SGPP1: variants seen among roughly 807,000 people sequenced by gnomAD.
The protein encoded by SGPP1 is hSPP1.
A neutral mutation model predicts 33.0 loss-of-function variants in SGPP1; 21 were observed. That is an observed-to-expected ratio of 0.64 (90% CI 0.45 to 0.92). The LOEUF (loss-of-function observed/expected upper bound fraction) is 0.92, where lower values mean the gene tolerates loss of function less well. SGPP1 is among the 40% of genes least tolerant of loss of function. The pLI, the probability that SGPP1 is intolerant of heterozygous loss-of-function variation, is 0.00. For synonymous variants in SGPP1, 239 were observed against 241.2 expected (o/e 0.99, Z 0.08); for missense variants, 543 against 589.4 (o/e 0.92, Z 0.81).
At chr14:63,705,282 TCAAAAA>T (rs1479423642) in intron 1 of SGPP1, among the ~76,000 whole-genome samples, 3 of 146,024 alleles carry the variant, frequency 2.1e-5, no homozygotes, top group Admixed American at 7.0e-5. Flanking sequence ...CTCTTACAAC[TCAAAAA>T]CAAAAAGACA....
intron 1 of SGPP1, among the ~76,000 whole-genome samples, chr14:63,721,799 A>G (rs1203423437): frequency 1.3e-5 from 2 of 152,144 alleles, no homozygotes; most frequent in African/African-American, 4.8e-5. Context: ...TTTTATTTAT[A>G]TTAGGTGACA....
At position 63,727,592 on chromosome 14, in the gene SGPP1, C is replaced by T. The variant is rs367745142; in HGVS notation, c.353G>A (p.Gly118Asp). The T allele has an allele frequency of 6.2e-5, 97 of 1,560,360 alleles. No individual in the cohort carries two copies. Among genetic ancestry groups the T allele is most frequent in the Non-Finnish European group, 7.9e-5 (92 of 1,157,776 alleles). ...CCAGTTGCTCACGCGGGCCAGCTGG[C>T]CCTCCTCGCCCGTCAGCGAGTTGCG... ...LRRNSLTGEE[G>D]QLARVSNWPL... The change falls in exon 1 of 3, where the codon GGC becomes GAC. Residue 118 changes from glycine to aspartate, a missense_variant. Coordinates refer to ENST00000247225, the MANE Select transcript of SGPP1 (RefSeq NM_030791.4).
intron 1 of SGPP1, among the ~76,000 whole-genome samples, chr14:63,714,049 G>A (rs1408644436): frequency 8.5e-5 from 13 of 152,226 alleles, no homozygotes; most frequent in Non-Finnish European, 2.9e-5. Flanking sequence ...TTGGATGTTA[G>A]AACTCCAGGC....
chr14:63,717,061 T>A (rs1885645761), intron 1 of SGPP1, among the ~76,000 whole-genome samples: 1 of 152,042 alleles, frequency 6.6e-6, no homozygotes, highest in Non-Finnish European at 1.5e-5. Context: ...GCTGAGAAAT[T>A]GAAGATTTTT....
At chr14:63,717,537 T>C (rs1326921658) in intron 1 of SGPP1, among the ~76,000 whole-genome samples, 1 of 152,094 alleles carries the variant, frequency 6.6e-6, no homozygotes, top group African/African-American at 2.4e-5. Flanking sequence ...TTAGCCAGAA[T>C]GGTCTCAATC....
intron 1 of SGPP1, among the ~76,000 whole-genome samples, chr14:63,712,605 G>A (rs1401212625): frequency 1.3e-5 from 2 of 152,170 alleles, no homozygotes; most frequent in African/African-American, 2.4e-5. Context: ...ATAAAACTAT[G>A]AGTGAGGCAG....
In SGPP1 at chr14:63,727,934, C is replaced by T; in HGVS notation, c.11G>A (p.Arg4Lys). The T allele has an allele frequency of 1.3e-6, 2 of 1,545,356 alleles. No homozygotes were observed. The highest frequency in any genetic ancestry group is 8.7e-7 in the Non-Finnish European group (1 of 1,155,062). The change falls in exon 1 of 3, where the codon AGG (arginine) becomes AAG (lysine). Residue 4 changes from arginine (R) to lysine (K), a missense_variant. Arg to Lys is a conservative substitution (Grantham distance 26). Transcript: ENST00000247225. MSL[R>K]QRLAQLVGRL... ...GCCAACCAGCTGGGCCAGGCGCTGC[C>T]TCAGCGACATGATAACGGAACCCCC...
intron 1 of SGPP1, among the ~76,000 whole-genome samples, chr14:63,724,868 C>A (rs754087855): frequency 2.0e-5 from 3 of 147,210 alleles, no homozygotes; most frequent in African/African-American, 7.6e-5. Flanking sequence ...GGCAACAGAG[C>A]GAGACTCCGT....
intron 1 of SGPP1, among the ~76,000 whole-genome samples, chr14:63,724,331 T>C (rs867516955): frequency 6.6e-6 from 1 of 152,056 alleles, no homozygotes; most frequent in Non-Finnish European, 1.5e-5. Context: ...GACAAAGGAA[T>C]GGTATAGAAC....
intron 1 of SGPP1, among the ~76,000 whole-genome samples, chr14:63,718,989 TATATATATATATATATA>T (rs1885692917): frequency 5.6e-5 from 1 of 17,870 alleles, no homozygotes; most frequent in Non-Finnish European, 1.1e-4. Flanking sequence ...TATATATATA[TATATATATATATATATA>T]TATATATATT....
intron 2 of SGPP1, among the ~76,000 whole-genome samples, chr14:63,692,819 A>G (rs1885114398): frequency 6.6e-6 from 1 of 152,236 alleles, no homozygotes; most frequent in South Asian, 2.1e-4. Context: ...AAATTACCAA[A>G]GAATTCTGAT....
chr14:63,727,204 G>C (rs901576809), intron 1 of SGPP1, 57 bp downstream of exon 1: 1 of 1,517,938 alleles, frequency 6.6e-7, no homozygotes, highest in African/African-American at 1.4e-5. Context: ...AGAGAGCAAA[G>C]AGAACTCCGA....
At chr14:63,712,350 T>C (rs1260299220) in intron 1 of SGPP1, among the ~76,000 whole-genome samples, 2 of 151,600 alleles carry the variant, frequency 1.3e-5, no homozygotes, top group African/African-American at 2.4e-5. Context: ...TTTATGATAC[T>C]GTCCAATCTA....
chr14:63,693,748 G>T (rs931657168), intron 2 of SGPP1, among the ~76,000 whole-genome samples: 16 of 152,042 alleles, frequency 1.1e-4, no homozygotes, highest in African/African-American at 3.6e-4. Context: ...TGAGTAGCTG[G>T]GATTACAGGT....
At chr14:63,687,524 T>G (rs1371890487) in intron 2 of SGPP1, among the ~76,000 whole-genome samples, 1 of 152,168 alleles carries the variant, frequency 6.6e-6, no homozygotes, top group African/African-American at 2.4e-5. Flanking sequence ...CAGAATAGTA[T>G]GATGAAGGAC....
At position 63,686,130 on chromosome 14, in the gene SGPP1, A is replaced by G. The variant is rs1270405799; in HGVS notation, c.1301T>C (p.Ile434Thr). 6.2e-7 allele frequency: 1 copy of G among 1,602,628 alleles called. No individual in the cohort carries two copies. The highest frequency in any genetic ancestry group is 1.1e-5 in the South Asian group (1 of 89,498). Residue 434 changes from isoleucine (I) to threonine (T), a missense_variant, in exon 3 of 3, where the codon ATA becomes ACA. By Grantham distance (89) the Ile-to-Thr change is moderately conservative. Coordinates refer to ENST00000247225, the MANE Select transcript of SGPP1 (RefSeq NM_030791.4). ...TCAAGAGATACCAATAAAGAAAAAT[A>G]TGTAAGGAACAAAAAATGTGATGGA... Reference protein sequence around the residue: ...GFSITFFVPYIFFFIGIS With the variant: ...GFSITFFVPYTFFFIGIS
intron 1 of SGPP1, among the ~76,000 whole-genome samples, chr14:63,725,069 A>T (rs1260386643): frequency 6.6e-6 from 1 of 151,580 alleles, no homozygotes; most frequent in Non-Finnish European, 1.5e-5. Context: ...TAAACACAGA[A>T]CTTTCATATA....
rs746027413 is a variant in SGPP1 at position 63,685,608 on chromosome 14, G to A, written c.*497C>T. ...ATATGCATTCTGGTCTAGTAATTAC[G>A]CAATTCAATTAGGAAATGGCTCCCA... On this transcript the variant is annotated 3_prime_UTR_variant, in exon 3 of 3. Transcript: ENST00000247225. The A allele has an allele frequency of 2.0e-5, 3 of 152,128 alleles. No individual in the cohort carries two copies. Among genetic ancestry groups the A allele is most frequent in the South Asian group, 2.1e-4 (1 of 4,818 alleles). The allele number at this position is 152,128 out of a possible 1,614,324, so 9.4% of individuals were successfully genotyped here.
rs149522169 is a variant in SGPP1, at chr14:63,712,349, C to T, written c.685-13691G>A. Among the ~76,000 whole-genome samples the T allele has an allele frequency of 4.3e-3, 658 of 152,120 alleles. 7 individuals carry two copies. The highest frequency in any genetic ancestry group is 0.015 in the African/African-American group (605 of 41,496). On this transcript the variant is annotated intron_variant, in intron 1 of 2. Transcript: ENST00000247225. ...TCTGTACTACATTCATTTTATGATA[C>T]TGTCCAATCTACACCCCTCTCTTCT...
Sources: allele counts gnomAD v4.1 joint callset (sites outside exome capture counted in the v4.1 genomes callset), GRCh38; gene constraint gnomAD v4.1.1; transcripts MANE v1.5; gene names NCBI Gene and HGNC (gene_info 2026-07-23, HGNC 2026-07-21).